Variants in TMEM182 observed in about 807,000 individuals in gnomAD.
TMEM182 encodes the protein transmembrane protein 182.
TMEM182 carries 20 observed loss-of-function variants against 26.8 expected under a neutral mutation model. The observed-to-expected ratio is 0.75, with a 90% CI of 0.53 to 1.09. The LOEUF (loss-of-function observed/expected upper bound fraction) is 1.09. Ranked by LOEUF, TMEM182 falls within the 50% of genes least tolerant of loss-of-function variation. TMEM182 has a pLI of 0.00. For missense variants in TMEM182, 277 were observed against 275.5 expected (o/e 1.01, Z -0.04); for synonymous variants, 109 against 102.2 (o/e 1.07, Z -0.40).
At chr2:102,808,330 T>C (rs1682423715) in intron 4 of TMEM182, among the ~76,000 whole-genome samples, 1 of 152,158 alleles carries the variant, frequency 6.6e-6, no homozygotes, top group African/African-American at 2.4e-5. Flanking sequence ...TATGGAATAA[T>C]TGTTAAAAGT....
chr2:102,772,221 G>A (rs975281025), intron 3 of TMEM182, among the ~76,000 whole-genome samples: 1 of 152,180 alleles, frequency 6.6e-6, no homozygotes, highest in Non-Finnish European at 1.5e-5. Context: ...TTAGGAGAGA[G>A]CATCAACTAG....
At chr2:102,743,158 GAAATAC>G (rs1679589713) in intron 1 of TMEM182, among the ~76,000 whole-genome samples, 1 of 152,086 alleles carries the variant, frequency 6.6e-6, no homozygotes, top group Non-Finnish European at 1.5e-5. Flanking sequence ...GGAGCATTTC[GAAATAC>G]AAAGTCATAA....
At chr2:102,776,425 C>T (rs1469140809) in intron 3 of TMEM182, among the ~76,000 whole-genome samples, 1 of 152,116 alleles carries the variant, frequency 6.6e-6, no homozygotes, top group Admixed American at 6.5e-5. Flanking sequence ...CAGATGTGGC[C>T]TTTTCAGATT....
At chr2:102,779,110 CA>C (rs1681051373) in intron 3 of TMEM182, among the ~76,000 whole-genome samples, 1 of 152,000 alleles carries the variant, frequency 6.6e-6, no homozygotes, top group Non-Finnish European at 1.5e-5. Flanking sequence ...TTGGGGTTAA[CA>C]ATTTTTTTTT....
rs574012558 is a variant in TMEM182, at chr2:102,745,799, A to T, written c.-83+8786A>T. ...AGGGTTCATCCAGGTTGTAGCATGG[A>T]TTCCCAATAACGTTCCACTTATGGA... On this transcript the variant is annotated intron_variant, in intron 1 of 5. Coordinates refer to the TMEM182 transcript ENST00000409173. Among the ~76,000 whole-genome samples, 11 of 152,316 alleles carry T rather than the reference A, an allele frequency of 7.2e-5. No homozygotes were observed. In the South Asian group the frequency reaches 2.3e-3, roughly 32 times the overall value.
At chr2:102,842,302 C>T (rs1049807343) in intron 3 of TMEM182, among the ~76,000 whole-genome samples, 1 of 152,166 alleles carries the variant, frequency 6.6e-6, no homozygotes, top group Admixed American at 6.5e-5. Flanking sequence ...TTTCCTGAAC[C>T]TTGAATTGCT....
chr2:102,751,172 C>T (rs960206302), intron 1 of TMEM182, among the ~76,000 whole-genome samples: 1 of 152,094 alleles, frequency 6.6e-6, no homozygotes, highest in Non-Finnish European at 1.5e-5. Context: ...AGGAGAATAG[C>T]TCTCTCTCGT....
intron 4 of TMEM182, among the ~76,000 whole-genome samples, chr2:102,803,820 C>T (rs1231206715): frequency 2.0e-5 from 3 of 152,112 alleles, no homozygotes; most frequent in Admixed American, 6.5e-5. Flanking sequence ...GAAGAACTGC[C>T]GACAGCCTGG....
chr2:102,789,433 A>G (rs944832727), intron 3 of TMEM182, among the ~76,000 whole-genome samples: 1 of 152,218 alleles, frequency 6.6e-6, no homozygotes, highest in African/African-American at 2.4e-5. Context: ...ATGCAAAATC[A>G]AGAGGAAATG....
intron 3 of TMEM182, among the ~76,000 whole-genome samples, chr2:102,765,739 G>A (rs1050969642): frequency 8.5e-5 from 13 of 152,178 alleles, no homozygotes; most frequent in South Asian, 2.1e-4. Context: ...TAGGGAAAGA[G>A]GTGAGCTGAC....
At chr2:102,826,364 C>A (rs1038724917) in intron 3 of TMEM182, among the ~76,000 whole-genome samples, 1 of 138,024 alleles carries the variant, frequency 7.2e-6, no homozygotes. Flanking sequence ...GCGGTGGGGG[C>A]TATTGTGGTT....
intron 3 of TMEM182, chr2:102,775,442 G>A (rs1424145775): frequency 6.6e-6 from 1 of 152,062 alleles, no homozygotes; most frequent in Non-Finnish European, 1.5e-5. Context: ...ATACTGAATG[G>A]GCAAAAACTG....
chr2:102,837,528 A>G (rs978666253), intron 3 of TMEM182, among the ~76,000 whole-genome samples: 1 of 74,408 alleles, frequency 1.3e-5, no homozygotes, highest in African/African-American at 5.5e-5. Flanking sequence ...AGTGTGTGTC[A>G]GTGCTGTGGG....
In TMEM182 at chr2:102,814,786, T is replaced by A; in HGVS notation, c.508T>A (p.Trp170Arg). Residue 170 changes from tryptophan to arginine, a missense_variant, in exon 5 of 5, where the codon TGG becomes AGG. Coordinates refer to ENST00000412401, the MANE Select transcript of TMEM182 (RefSeq NM_144632.5). ...ATTGGTGGTGATGCTGTATGTCATC[T>A]GGGTCCAGGCAGTGGCTGACATGGA... ...FSLVVMLYVI[W>R]VQAVADMESY... is the part of the protein sequence containing the mutation. 6.2e-7 allele frequency: 1 copy of A among 1,613,876 alleles called. No homozygotes were observed. The highest frequency in any genetic ancestry group is 8.5e-7 in the Non-Finnish European group (1 of 1,179,926).
upstream of TMEM182, among the ~76,000 whole-genome samples, chr2:102,760,026 A>G (rs1046075885): frequency 1.3e-5 from 2 of 152,216 alleles, no homozygotes; most frequent in Non-Finnish European, 2.9e-5. Flanking sequence ...TTAGGGCATG[A>G]ACATTGTTGT....
At chr2:102,841,273 T>A (rs769279143) in intron 3 of TMEM182, among the ~76,000 whole-genome samples, 13 of 152,070 alleles carry the variant, frequency 8.5e-5, no homozygotes, top group Non-Finnish European at 1.9e-4. Context: ...GTATTAATCG[T>A]GTGGCAGAGC....
chr2:102,822,033 A>C (rs1036143959), downstream of TMEM182, among the ~76,000 whole-genome samples: 1 of 152,056 alleles, frequency 6.6e-6, no homozygotes, highest in Non-Finnish European at 1.5e-5. Context: ...GTTTAAGGAG[A>C]TGGATGTCCC....
intron 3 of TMEM182, among the ~76,000 whole-genome samples, chr2:102,829,501 A>G (rs7602289): frequency 0.28 from 42,517 of 152,046 alleles, 6,619 homozygotes; most frequent in African/African-American, 0.37. Context: ...TTATACTGGG[A>G]AAATATCAGA....
At chr2:102,794,879 T>C (rs1160314168) in intron 3 of TMEM182, among the ~76,000 whole-genome samples, 3 of 152,204 alleles carry the variant, frequency 2.0e-5, no homozygotes, top group African/African-American at 7.2e-5. Context: ...TTATGAATAT[T>C]TTTTCTTCAC....
Sources: allele counts gnomAD v4.1 joint callset (sites outside exome capture counted in the v4.1 genomes callset), GRCh38; gene constraint gnomAD v4.1.1; transcripts MANE v1.5; gene names NCBI Gene and HGNC (gene_info 2026-07-23, HGNC 2026-07-21).